The following INPP4B variants were observed in gnomAD, a reference collection of about 807,000 sequenced individuals.
INPP4B encodes inositol polyphosphate 4-phosphatase type II.
In INPP4B, 55 loss-of-function variants were observed where a neutral mutation model predicts 122.5. The observed-to-expected ratio is 0.45, with a 90% confidence interval of 0.36 to 0.56. The LOEUF (loss-of-function observed/expected upper bound fraction) is 0.56, where lower values mean the gene tolerates loss of function less well. Among genes scored for constraint, INPP4B ranks in the 20% least tolerant of loss-of-function variants. The pLI is 0.00. For missense variants in INPP4B, 1,000 were observed against 1,097.7 expected (o/e 0.91, Z 1.26); for synonymous variants, 403 against 388.7 (o/e 1.04, Z -0.43).
intron 7 of INPP4B, among the ~76,000 whole-genome samples, chr4:142,357,637 T>C (rs758861015): frequency 1.9e-4 from 29 of 152,018 alleles, no homozygotes; most frequent in Middle Eastern, 3.4e-3. Context: ...CTCATATTCA[T>C]CAACATGAGT....
chr4:142,533,615 G>A (rs976371356), intron 2 of INPP4B, among the ~76,000 whole-genome samples: 5 of 152,036 alleles, frequency 3.3e-5, no homozygotes, highest in Non-Finnish European at 5.9e-5. Flanking sequence ...CTTTATAAAA[G>A]ATTAGACTAA....
intron 16 of INPP4B, among the ~76,000 whole-genome samples, chr4:142,172,775 T>C (rs553172904): frequency 3.3e-5 from 5 of 152,102 alleles, no homozygotes; most frequent in African/African-American, 7.2e-5. Context: ...GGTGGAAAAC[T>C]ACACTTTTGT....
intron 1 of INPP4B, among the ~76,000 whole-genome samples, chr4:142,776,668 T>A (rs1009883438): frequency 5.3e-5 from 8 of 152,322 alleles, no homozygotes; most frequent in Non-Finnish European, 1.2e-4. Flanking sequence ...AAGGTTTGAA[T>A]GATTTGTTGT....
At chr4:142,100,842 GAA>G (rs2152640213) in intron 23 of INPP4B, among the ~76,000 whole-genome samples, 1 of 152,202 alleles carries the variant, frequency 6.6e-6, no homozygotes, top group South Asian at 2.1e-4. Context: ...GGCCACCTCT[GAA>G]GTCACTGTTC....
chr4:142,605,502 A>G (rs1741043830), intron 2 of INPP4B, among the ~76,000 whole-genome samples: 1 of 152,030 alleles, frequency 6.6e-6, no homozygotes. Context: ...CTCTTGAATG[A>G]GAGAAAATAT....
chr4:142,104,292 TTG>T (rs1271279596), intron 23 of INPP4B, among the ~76,000 whole-genome samples: 2 of 152,144 alleles, frequency 1.3e-5, no homozygotes, highest in African/African-American at 4.8e-5. Context: ...ACGGAGCAGT[TTG>T]TGTTAGTGAT....
intron 25 of INPP4B, among the ~76,000 whole-genome samples, chr4:142,074,073 G>A (rs143388920): frequency 6.6e-6 from 1 of 151,924 alleles, no homozygotes; most frequent in African/African-American, 2.4e-5. Flanking sequence ...CAAACCCAAG[G>A]GATGCTCCTG....
intron 2 of INPP4B, among the ~76,000 whole-genome samples, chr4:142,638,091 GATAA>G (rs1416152301): frequency 1.3e-5 from 2 of 152,092 alleles, no homozygotes; most frequent in African/African-American, 4.8e-5. Flanking sequence ...ATACATTTTA[GATAA>G]CAATCTTTCA....
chr4:142,331,071 G>A (rs986699592), intron 7 of INPP4B, among the ~76,000 whole-genome samples: 1 of 152,092 alleles, frequency 6.6e-6, no homozygotes, highest in African/African-American at 2.4e-5. Context: ...TATTTGCACA[G>A]ACCAAATAAA....
intron 1 of INPP4B, among the ~76,000 whole-genome samples, chr4:142,841,161 G>A (rs1346548426): frequency 2.0e-5 from 3 of 152,006 alleles, no homozygotes; most frequent in Admixed American, 2.0e-4. Context: ...CGCATAAGAA[G>A]ATGTTGAAAA....
chr4:142,562,334 C>T (rs900263959), intron 2 of INPP4B, among the ~76,000 whole-genome samples: 2 of 152,188 alleles, frequency 1.3e-5, no homozygotes, highest in African/African-American at 4.8e-5. Context: ...TAAAAAGATG[C>T]TTCTGTTCAA....
At chr4:142,030,079 T>G in intron 25 of INPP4B, 1 of 1,458,640 alleles carries the variant, frequency 6.9e-7, no homozygotes, top group South Asian at 1.4e-5. Flanking sequence ...CCCCATAATT[T>G]AAAGTTCATT....
chr4:142,382,620 TATACTATAAATATATAC>T (rs1794574531), intron 7 of INPP4B, among the ~76,000 whole-genome samples: 1 of 116,848 alleles, frequency 8.6e-6, no homozygotes, highest in Non-Finnish European at 1.8e-5. Context: ...ATATTATATA[TATACTATAAATATATAC>T]ATTTATATAT....
At chr4:142,447,637 G>T (rs145163492) in intron 3 of INPP4B, among the ~76,000 whole-genome samples, 6 of 152,152 alleles carry the variant, frequency 3.9e-5, no homozygotes, top group African/African-American at 1.4e-4. Context: ...TCACAGTCAC[G>T]GCCTGAGGAC....
At chr4:142,730,090 C>T (rs773278164) in intron 1 of INPP4B, among the ~76,000 whole-genome samples, 3 of 152,090 alleles carry the variant, frequency 2.0e-5, no homozygotes, top group South Asian at 2.1e-4. Flanking sequence ...GTGTATATTT[C>T]GAGTACACCT....
In INPP4B at chr4:142,152,371, G is replaced by A. The variant is rs535698132; in HGVS notation, c.1564-6375C>T. 9.9e-5 allele frequency among the ~76,000 whole-genome samples: 15 copies of A among 151,808 alleles called. No homozygotes were observed. In the South Asian group the frequency reaches 3.1e-3, roughly 32 times the overall value. On this transcript the variant is annotated intron_variant, in intron 17 of 25. Coordinates refer to ENST00000262992, the MANE Select transcript of INPP4B (RefSeq NM_001101669.3). Reference sequence around the variant, plus strand: ...ATTACAGGCGTGAGTCACCGCACCCGGCACTTTTTTTTCTTTTTAATAGAC... The same window carrying A: ...ATTACAGGCGTGAGTCACCGCACCCAGCACTTTTTTTTCTTTTTAATAGAC...
chr4:142,813,094 T>G (rs889991518), intron 1 of INPP4B, among the ~76,000 whole-genome samples: 3 of 152,112 alleles, frequency 2.0e-5, no homozygotes, highest in Non-Finnish European at 4.4e-5. Flanking sequence ...TAGAAGGAAT[T>G]TCTTCCACTC....
intron 7 of INPP4B, among the ~76,000 whole-genome samples, chr4:142,340,874 T>C (rs1407726634): frequency 6.6e-6 from 1 of 152,210 alleles, no homozygotes; most frequent in Non-Finnish European, 1.5e-5. Context: ...CTAACAGGTC[T>C]TTAAGTACCA....
intron 3 of INPP4B, among the ~76,000 whole-genome samples, chr4:142,444,573 G>A (rs1327843005): frequency 1.3e-5 from 2 of 151,980 alleles, no homozygotes; most frequent in Non-Finnish European, 2.9e-5. Flanking sequence ...GTGTAAATTA[G>A]TTCAACCACT....
Sources: gnomAD v4.1 joint callset for allele counts (sites outside exome capture counted in the v4.1 genomes callset) on GRCh38, gnomAD v4.1.1 for gene constraint, MANE v1.5 for transcripts, NCBI Gene and HGNC (gene_info 2026-07-23, HGNC 2026-07-21) for gene names.